HDAC9: variants seen among roughly 807,000 people sequenced by gnomAD.
HDAC9 encodes histone deacetylase 9.
Under a neutral mutation model 139.4 loss-of-function variants are expected in HDAC9, and 41 were observed. The observed-to-expected ratio is 0.29, with a 90% CI of 0.23 to 0.38. HDAC9 has a LOEUF of 0.38. Among genes scored for constraint, HDAC9 ranks in the 10% least tolerant of loss-of-function variants. HDAC9 has a pLI of 1.00. For synonymous variants in HDAC9, 517 were observed against 476.2 expected (o/e 1.09, Z -1.12); for missense variants, 1,147 against 1,297.0 (o/e 0.88, Z 1.78).
At chr7:18,371,191 G>C (rs1431317508) in intron 1 of HDAC9, among the ~76,000 whole-genome samples, 1 of 152,092 alleles carries the variant, frequency 6.6e-6, no homozygotes, top group African/African-American at 2.4e-5. Context: ...AGCAATAATC[G>C]AAGTATGGAT....
At chr7:18,901,207 C>CATAT (rs3085465) in intron 22 of HDAC9, among the ~76,000 whole-genome samples, 2 of 138,862 alleles carry the variant, frequency 1.4e-5, no homozygotes, top group African/African-American at 5.8e-5. Context: ...ACTATATATA[C>CATAT]ATATATATAT....
intron 1 of HDAC9, among the ~76,000 whole-genome samples, chr7:18,377,999 A>T (rs1007558317): frequency 1.3e-5 from 2 of 152,198 alleles, no homozygotes; most frequent in Non-Finnish European, 2.9e-5. Flanking sequence ...ATTCCCCAGT[A>T]GATGCAAGAA....
At chr7:18,951,869 T>C (rs1782820374) in intron 23 of HDAC9, among the ~76,000 whole-genome samples, 1 of 151,910 alleles carries the variant, frequency 6.6e-6, no homozygotes. Context: ...ATTAAATAAA[T>C]GTCTAGAAAA....
intron 1 of HDAC9, among the ~76,000 whole-genome samples, chr7:18,317,342 ATAAT>A (rs1274021892): frequency 6.6e-6 from 1 of 152,130 alleles, no homozygotes; most frequent in Non-Finnish European, 1.5e-5. Context: ...GACTAAAGCT[ATAAT>A]TAGTCATGGC....
rs187677193 is a variant in HDAC9, at chr7:18,737,227, A to T, written c.1909+9470A>T. The stretch of plus-strand genomic sequence containing the variant: ...TTTTTGAAGGGCTTTTTGTGTCTCT[A>T]TCTCCTTCAGTTCTGCTCTGGTCTT... On this transcript the variant is annotated intron_variant, in intron 13 of 25. Coordinates refer to ENST00000686413, the MANE Select transcript of HDAC9 (RefSeq NM_178425.4). 3.8e-3 allele frequency among the ~76,000 whole-genome samples: 584 copies of T among 151,986 alleles called. 5 individuals carry two copies. The highest frequency in any genetic ancestry group is 0.01 in the Middle Eastern group (3 of 292).
chr7:18,150,419 G>C (rs1345265328), intron 1 of HDAC9, among the ~76,000 whole-genome samples: 2 of 152,164 alleles, frequency 1.3e-5, no homozygotes, highest in African/African-American at 2.4e-5. Flanking sequence ...GGCGATTCTA[G>C]AAGCGCTTGT....
At chr7:18,182,135 T>C (rs141859924) in intron 2 of HDAC9, among the ~76,000 whole-genome samples, 12 of 152,292 alleles carry the variant, frequency 7.9e-5, no homozygotes, top group Middle Eastern at 6.8e-3. Context: ...CTCTCTCCTT[T>C]TGCTGAGACT....
At chr7:18,584,831 A>G (rs1828964981) in intron 2 of HDAC9, among the ~76,000 whole-genome samples, 1 of 152,224 alleles carries the variant, frequency 6.6e-6, no homozygotes, top group Non-Finnish European at 1.5e-5. Flanking sequence ...AAAGTTGAAG[A>G]TATCTTCTGA....
At chr7:18,500,110 G>T (rs1251631194) in intron 2 of HDAC9, among the ~76,000 whole-genome samples, 1 of 152,104 alleles carries the variant, frequency 6.6e-6, no homozygotes, top group Non-Finnish European at 1.5e-5. Flanking sequence ...GGCTCATTGA[G>T]AATGGAGACA....
intron 1 of HDAC9, among the ~76,000 whole-genome samples, chr7:18,439,660 A>G (rs1365557115): frequency 1.3e-5 from 2 of 152,224 alleles, no homozygotes; most frequent in African/African-American, 4.8e-5. Context: ...AGTTTGAGAA[A>G]TCAATTTAGT....
At chr7:18,221,486 A>G (rs1469198612) in intron 2 of HDAC9, among the ~76,000 whole-genome samples, 1 of 152,166 alleles carries the variant, frequency 6.6e-6, no homozygotes, top group African/African-American at 2.4e-5. Context: ...CCTACATTGT[A>G]TTATGCATGT....
chr7:18,615,550 C>T (rs890099382), intron 6 of HDAC9, among the ~76,000 whole-genome samples: 1 of 152,012 alleles, frequency 6.6e-6, no homozygotes, highest in Non-Finnish European at 1.5e-5. Context: ...TCTTTTTTCT[C>T]TTTTGGATCT....
intron 13 of HDAC9, among the ~76,000 whole-genome samples, chr7:18,733,169 A>G (rs34905635): frequency 0.061 from 8,817 of 144,162 alleles, 424 homozygotes; most frequent in Admixed American, 0.14. Flanking sequence ...GTGTATACAC[A>G]TGTATATATG....
intron 2 of HDAC9, among the ~76,000 whole-genome samples, chr7:18,564,243 A>G (rs1488659511): frequency 6.6e-6 from 1 of 152,196 alleles, no homozygotes; most frequent in Non-Finnish European, 1.5e-5. Context: ...TACAATTGAA[A>G]AAAAAAAATT....
chr7:18,829,607 T>G (rs976732444), intron 19 of HDAC9, 59 bp downstream of exon 19: 1 of 1,059,650 alleles, frequency 9.4e-7, no homozygotes, highest in African/African-American at 1.6e-5. Flanking sequence ...GGAGTGGATT[T>G]GTATTTCTCT....
At chr7:18,244,927 T>TA (rs1220475560) in intron 2 of HDAC9, among the ~76,000 whole-genome samples, 1 of 152,116 alleles carries the variant, frequency 6.6e-6, no homozygotes, top group Admixed American at 6.6e-5. Flanking sequence ...TCCTTCCTGA[T>TA]ATATATCTAT....
intron 12 of HDAC9, among the ~76,000 whole-genome samples, chr7:18,706,042 T>C (rs1783882040): frequency 6.6e-6 from 1 of 151,872 alleles, no homozygotes; most frequent in Admixed American, 6.6e-5. Context: ...CCCACAGACG[T>C]GAATCCTTTC....
At chr7:18,751,565 A>G (rs1026929432) in intron 14 of HDAC9, among the ~76,000 whole-genome samples, 1 of 152,114 alleles carries the variant, frequency 6.6e-6, no homozygotes, top group Non-Finnish European at 1.5e-5. Flanking sequence ...AAATTTATTT[A>G]CTTTATGAAA....
rs142679086 is a variant in HDAC9, at chr7:18,827,854, A to G, written c.2323-1307A>G. Among the ~76,000 whole-genome samples the G allele has an allele frequency of 1.1e-4, 17 of 152,272 alleles. No individual in the cohort carries two copies. The East Asian group carries it at 2.3e-3, about 21-fold the overall frequency. On this transcript the variant is annotated intron_variant, in intron 17 of 25. Coordinates refer to ENST00000686413, the MANE Select transcript of HDAC9 (RefSeq NM_178425.4). ...ATTCTCAGAAGTCCTGCAGCACTCT[A>G]TAGTGTCAATCTACCATCTTAATGT...
Sources: gnomAD v4.1 joint callset for allele counts (sites outside exome capture counted in the v4.1 genomes callset) on GRCh38, gnomAD v4.1.1 for gene constraint, MANE v1.5 for transcripts, NCBI Gene and HGNC (gene_info 2026-07-23, HGNC 2026-07-21) for gene names.